Variants in PRICKLE2 observed in about 807,000 individuals in gnomAD.
PRICKLE2 encodes prickle planar cell polarity protein 2, also known as prickle-like protein 2.
PRICKLE2 carries 21 observed loss-of-function variants against 81.4 expected under a neutral mutation model. The ratio of observed to expected loss-of-function variants is 0.26; its 90% confidence interval spans 0.18 to 0.37. The LOEUF is 0.37. PRICKLE2 is among the 10% of genes least tolerant of loss of function. PRICKLE2 has a pLI of 1.00. For synonymous variants in PRICKLE2, 456 were observed against 421.5 expected (o/e 1.08, Z -1.00); for missense variants, 940 against 1,109.0 (o/e 0.85, Z 2.16).
chr3:64,213,756 C>T (rs1247990221), intron 1 of PRICKLE2, among the ~76,000 whole-genome samples: 1 of 144,454 alleles, frequency 6.9e-6, no homozygotes, highest in African/African-American at 2.7e-5. Flanking sequence ...GCTTTCCACG[C>T]TTTTCTTATT....
intron 2 of PRICKLE2, chr3:64,267,953 CT>C (rs2079736818): frequency 6.6e-6 from 1 of 152,278 alleles, no homozygotes; most frequent in Non-Finnish European, 1.5e-5. Flanking sequence ...GCCCGGGAAA[CT>C]GCGGGGGAGC....
At chr3:64,184,836 C>G (rs2078194562) in intron 2 of PRICKLE2, among the ~76,000 whole-genome samples, 1 of 152,136 alleles carries the variant, frequency 6.6e-6, no homozygotes, top group South Asian at 2.1e-4. Flanking sequence ...CTTGACTATC[C>G]ACACAGCAAT....
chr3:64,188,664 T>C lies in PRICKLE2; in HGVS notation c.144+10120A>G, dbSNP rs539833083. Among the ~76,000 whole-genome samples the C allele has an allele frequency of 7.2e-5, 11 of 152,344 alleles. No homozygotes were observed. The South Asian group carries it at 2.1e-3, about 29-fold the overall frequency. On this transcript the variant is annotated intron_variant, in intron 2 of 7. Transcript: ENST00000638394. ...AGAGAGGCTTCTCTTAGCCATCCAA[T>C]ATAAAGTAGATAGATTCTCTAAATC...
intron 7 of PRICKLE2, among the ~76,000 whole-genome samples, chr3:64,123,743 C>G (rs1360821701): frequency 6.6e-6 from 1 of 151,998 alleles, no homozygotes; most frequent in East Asian, 1.9e-4. Flanking sequence ...TGAATTGCAC[C>G]CATATAAGAT....
chr3:64,208,362 A>C (rs1470507575), intron 1 of PRICKLE2, among the ~76,000 whole-genome samples: 1 of 152,210 alleles, frequency 6.6e-6, no homozygotes, highest in African/African-American at 2.4e-5. Flanking sequence ...AACTGTATGG[A>C]TCATGTGACC....
intron 2 of PRICKLE2, among the ~76,000 whole-genome samples, chr3:64,190,622 C>G (rs978482936): frequency 1.3e-5 from 2 of 152,106 alleles, no homozygotes; most frequent in African/African-American, 4.8e-5. Flanking sequence ...CCTTTTCACC[C>G]AATTTTCTAG....
At chr3:64,204,685 ATC>A (rs1257736913) in intron 1 of PRICKLE2, among the ~76,000 whole-genome samples, 3 of 152,210 alleles carry the variant, frequency 2.0e-5, no homozygotes, top group Non-Finnish European at 4.4e-5. Context: ...CAAGGACCTT[ATC>A]TGTTTTCCAT....
At chr3:64,184,637 G>C (rs2078189445) in intron 2 of PRICKLE2, among the ~76,000 whole-genome samples, 1 of 125,832 alleles carries the variant, frequency 7.9e-6, no homozygotes, top group South Asian at 2.8e-4. Context: ...ATGACTGACT[G>C]ATTTAAAAAA....
At chr3:64,135,232 G>A (rs1032202075) in intron 7 of PRICKLE2, among the ~76,000 whole-genome samples, 3 of 152,156 alleles carry the variant, frequency 2.0e-5, no homozygotes, top group Non-Finnish European at 4.4e-5. Context: ...TAACAGAAAC[G>A]CACAGAGGTA....
chr3:64,127,179 TAAG>T (rs1344135604), intron 7 of PRICKLE2, among the ~76,000 whole-genome samples: 1 of 152,110 alleles, frequency 6.6e-6, no homozygotes, highest in East Asian at 1.9e-4. Context: ...AGGAAAGGAA[TAAG>T]AAGAGCAGTT....
intron 1 of PRICKLE2, among the ~76,000 whole-genome samples, chr3:64,209,580 A>ACATC (rs2078753249): frequency 6.6e-6 from 1 of 152,192 alleles, no homozygotes; most frequent in South Asian, 2.1e-4. Context: ...ATCCATACAT[A>ACATC]CATCCATACC....
intron 2 of PRICKLE2, among the ~76,000 whole-genome samples, chr3:64,257,181 T>C (rs765368367): frequency 6.6e-6 from 1 of 152,224 alleles, no homozygotes; most frequent in Non-Finnish European, 1.5e-5. Context: ...CCTTCCCCTA[T>C]ATAAGAAAAA....
At chr3:64,265,872 G>A (rs990294066) in intron 2 of PRICKLE2, among the ~76,000 whole-genome samples, 2 of 152,170 alleles carry the variant, frequency 1.3e-5, no homozygotes, top group African/African-American at 4.8e-5. Flanking sequence ...AAGCTAAGTG[G>A]GAGGAGGCTA....
intron 2 of PRICKLE2, among the ~76,000 whole-genome samples, chr3:64,165,024 C>G (rs941958157): frequency 6.6e-6 from 1 of 152,156 alleles, no homozygotes; most frequent in African/African-American, 2.4e-5. Context: ...AGGCCTTGTT[C>G]CATCATTACT....
At chr3:64,188,574 C>T in intron 2 of PRICKLE2, among the ~76,000 whole-genome samples, 1 of 152,168 alleles carries the variant, frequency 6.6e-6, no homozygotes, top group East Asian at 1.9e-4. Context: ...CGGGACGAGG[C>T]AGACCAAATC....
chr3:64,261,137 T>G (rs1390862437), intron 2 of PRICKLE2, among the ~76,000 whole-genome samples: 1 of 152,170 alleles, frequency 6.6e-6, no homozygotes, highest in Non-Finnish European at 1.5e-5. Flanking sequence ...ATAATTGATC[T>G]GGTTTACAAT....
chr3:64,266,763 G>A (rs571517091), intron 2 of PRICKLE2, among the ~76,000 whole-genome samples: 2 of 152,108 alleles, frequency 1.3e-5, no homozygotes, highest in East Asian at 3.9e-4. Flanking sequence ...AGAAAGCAGG[G>A]AACTCAAAGT....
At chr3:64,142,803 G>A (rs990777605) in intron 7 of PRICKLE2, among the ~76,000 whole-genome samples, 6 of 152,068 alleles carry the variant, frequency 3.9e-5, no homozygotes, top group South Asian at 4.1e-4. Flanking sequence ...GATTTTAAAC[G>A]CAATTATCAT....
chr3:64,195,068 A>G (rs2078424729), intron 2 of PRICKLE2, among the ~76,000 whole-genome samples: 1 of 152,106 alleles, frequency 6.6e-6, no homozygotes, highest in Non-Finnish European at 1.5e-5. Flanking sequence ...ACAAAAAAGT[A>G]AAAAAGACTT....
Sources: allele counts gnomAD v4.1 joint callset (sites outside exome capture counted in the v4.1 genomes callset), GRCh38; gene constraint gnomAD v4.1.1; transcripts MANE v1.5; gene names NCBI Gene and HGNC (gene_info 2026-07-23, HGNC 2026-07-21).